The following CEP128 variants were observed in gnomAD, a reference collection of about 807,000 sequenced individuals.
The protein encoded by CEP128 is centrosomal protein 128kDa.
A neutral mutation model predicts 156.7 loss-of-function variants in CEP128; 132 were observed. That is an observed-to-expected ratio of 0.84 (90% confidence interval 0.73 to 0.97). CEP128 has a LOEUF of 0.97. Among genes scored for constraint, CEP128 ranks in the 50% least tolerant of loss-of-function variants. CEP128 has a pLI of 0.00. For synonymous variants in CEP128, 469 were observed against 448.9 expected (o/e 1.04, Z -0.57); for missense variants, 1,252 against 1,281.9 (o/e 0.98, Z 0.36).
intron 2 of CEP128, among the ~76,000 whole-genome samples, chr14:80,920,537 G>A (rs1884800389): frequency 6.6e-6 from 1 of 152,124 alleles, no homozygotes; most frequent in Non-Finnish European, 1.5e-5. Flanking sequence ...ATAAAAGAAT[G>A]GTAAATAGTA....
intron 24 of CEP128, among the ~76,000 whole-genome samples, chr14:80,503,075 G>A (rs1168347288): frequency 6.6e-6 from 1 of 151,922 alleles, no homozygotes; most frequent in East Asian, 1.9e-4. Flanking sequence ...ATAGGTCTGG[G>A]AAGAAAATCA....
chr14:80,892,906 T>C (rs1889170175), intron 8 of CEP128, among the ~76,000 whole-genome samples: 1 of 151,740 alleles, frequency 6.6e-6, no homozygotes, highest in East Asian at 1.9e-4. Flanking sequence ...ATAACAAATG[T>C]TGACAAGAGT....
At chr14:80,631,200 C>G (rs1893945494) in intron 19 of CEP128, among the ~76,000 whole-genome samples, 1 of 151,928 alleles carries the variant, frequency 6.6e-6, no homozygotes, top group Non-Finnish European at 1.5e-5. Context: ...CTGATGAACA[C>G]TAAGTAGAGT....
intron 15 of CEP128, among the ~76,000 whole-genome samples, chr14:80,781,382 G>A (rs536872630): frequency 6.6e-6 from 1 of 151,554 alleles, no homozygotes; most frequent in East Asian, 2.0e-4. Flanking sequence ...GCTTGAACCC[G>A]GGAGGCGGAA....
intron 7 of CEP128, among the ~76,000 whole-genome samples, chr14:80,898,740 T>A (rs1269530440): frequency 1.3e-5 from 2 of 152,230 alleles, no homozygotes; most frequent in African/African-American, 4.8e-5. Flanking sequence ...TAAAAAAAAA[T>A]AATAACCTAA....
intron 21 of CEP128, among the ~76,000 whole-genome samples, chr14:80,533,949 T>C (rs1228096867): frequency 6.6e-6 from 1 of 152,146 alleles, no homozygotes; most frequent in Admixed American, 6.6e-5. Flanking sequence ...AAAGATGTAA[T>C]AATTATACAA....
At chr14:80,925,000 G>C (rs973455905) in intron 2 of CEP128, among the ~76,000 whole-genome samples, 2 of 152,062 alleles carry the variant, frequency 1.3e-5, no homozygotes, top group Non-Finnish European at 2.9e-5. Flanking sequence ...ACAAGTTTCT[G>C]GTTTTGGTAG....
At chr14:80,623,905 C>T (rs1893598756) in intron 19 of CEP128, among the ~76,000 whole-genome samples, 1 of 152,126 alleles carries the variant, frequency 6.6e-6, no homozygotes, top group African/African-American at 2.4e-5. Context: ...TCATCTTCGG[C>T]ATTTATCCTT....
chr14:80,823,169 C>G (rs1231990626), intron 13 of CEP128, among the ~76,000 whole-genome samples: 1 of 152,186 alleles, frequency 6.6e-6, no homozygotes, highest in Non-Finnish European at 1.5e-5. Context: ...GACTTAACTC[C>G]CTTAAACCCA....
At chr14:80,890,925 G>A (rs530992243) in intron 8 of CEP128, among the ~76,000 whole-genome samples, 5 of 151,938 alleles carry the variant, frequency 3.3e-5, no homozygotes, top group African/African-American at 1.2e-4. Flanking sequence ...ACACACAAAC[G>A]GCAAACAGGT....
intron 14 of CEP128, among the ~76,000 whole-genome samples, chr14:80,790,520 G>A (rs887425634): frequency 1.6e-4 from 25 of 151,598 alleles, no homozygotes; most frequent in Non-Finnish European, 3.7e-4. Flanking sequence ...ACAATTCCCT[G>A]ATGTAAATAT....
chr14:80,916,498 A>G lies in CEP128; in HGVS notation c.50T>C (p.Leu17Ser). ...CGTTGATCTGGCAGCCCATGGACTC[A>G]ATCGGTCACGACAGCGGAAGTGATC... ...ESDHFRCRDR[L>S]SPWAARSTHR... is the part of the protein sequence containing the mutation. Residue 17 changes from leucine (L) to serine (S), a missense_variant, in exon 3 of 25, where the codon TTG (leucine) becomes TCG (serine). By Grantham distance (145) the Leu-to-Ser change is moderately radical. Coordinates refer to ENST00000555265, the MANE Select transcript of CEP128 (RefSeq NM_152446.5). 6.2e-7 allele frequency: 1 copy of G among 1,614,092 alleles called. No homozygotes were observed.
At chr14:80,833,163 GTATTT>G (rs1377269020) in intron 12 of CEP128, among the ~76,000 whole-genome samples, 4 of 151,638 alleles carry the variant, frequency 2.6e-5, no homozygotes, top group East Asian at 1.9e-4. Context: ...ATAAATATAT[GTATTT>G]TATTTTATAT....
At chr14:80,670,660 A>G (rs1159788092) in intron 19 of CEP128, among the ~76,000 whole-genome samples, 1 of 152,146 alleles carries the variant, frequency 6.6e-6, no homozygotes, top group Non-Finnish European at 1.5e-5. Context: ...ATGAGAAATT[A>G]CTTAATGGAT....
At chr14:80,801,637 G>A (rs571102133) in intron 13 of CEP128, among the ~76,000 whole-genome samples, 30 of 152,034 alleles carry the variant, frequency 2.0e-4, no homozygotes, top group South Asian at 1.5e-3. Flanking sequence ...GGTCAGATGC[G>A]GTGGCTCACA....
chr14:80,597,327 T>C (rs573641733), intron 19 of CEP128, among the ~76,000 whole-genome samples: 3 of 152,220 alleles, frequency 2.0e-5, no homozygotes, highest in Non-Finnish European at 2.9e-5. Context: ...AACATAAATT[T>C]GATAATTTAG....
intron 19 of CEP128, among the ~76,000 whole-genome samples, chr14:80,599,522 G>A (rs753984182): frequency 2.7e-4 from 41 of 151,812 alleles, no homozygotes; most frequent in Non-Finnish European, 5.0e-4. Flanking sequence ...TGATCCACCC[G>A]CCTTAGCCTC....
intron 19 of CEP128, among the ~76,000 whole-genome samples, chr14:80,616,375 G>C (rs1439943955): frequency 2.0e-5 from 3 of 152,184 alleles, no homozygotes; most frequent in Non-Finnish European, 4.4e-5. Context: ...TCATTATATA[G>C]AGATGATTAT....
At chr14:80,837,510 G>A (rs1467517977) in intron 11 of CEP128, among the ~76,000 whole-genome samples, 2 of 152,202 alleles carry the variant, frequency 1.3e-5, no homozygotes, top group South Asian at 2.1e-4. Context: ...GAAGTCAGGA[G>A]ATCGAGAACA....
Sources: allele counts gnomAD v4.1 joint callset (sites outside exome capture counted in the v4.1 genomes callset), GRCh38; gene constraint gnomAD v4.1.1; transcripts MANE v1.5; gene names NCBI Gene and HGNC (gene_info 2026-07-23, HGNC 2026-07-21).